Variants in LTBP1 observed in about 807,000 individuals in gnomAD.
LTBP1 encodes latent transforming growth factor beta binding protein 1.
In LTBP1, 129 loss-of-function variants were observed where a neutral mutation model predicts 207.6. The observed-to-expected ratio is 0.62, with a 90% CI of 0.54 to 0.72. The LOEUF (loss-of-function observed/expected upper bound fraction) is 0.72, where lower values mean the gene tolerates loss of function less well. Ranked by LOEUF, LTBP1 falls within the 30% of genes least tolerant of loss-of-function variation. The probability of loss-of-function intolerance (pLI) is 0.00; values close to 1 mark genes in which losing one functional copy is unlikely to be tolerated. For missense variants in LTBP1, 2,281 were observed against 2,217.2 expected, an observed-to-expected ratio of 1.03 and a Z score of -0.58; for synonymous variants, 963 against 833.7, an observed-to-expected ratio of 1.16 and a Z score of -2.67.
chr2:33,275,161 G>T, intron 17 of LTBP1, 71 bp downstream of exon 17: 1 of 1,566,596 alleles, frequency 6.4e-7, no homozygotes, highest in Non-Finnish European at 8.7e-7. Flanking sequence ...ACTATCATCA[G>T]TTCAGTGCTT....
At chr2:33,251,480 G>T (rs1332658922) in intron 10 of LTBP1, among the ~76,000 whole-genome samples, 1 of 152,058 alleles carries the variant, frequency 6.6e-6, no homozygotes, top group Non-Finnish European at 1.5e-5. Context: ...CTAACACGGT[G>T]AAACCCTGTC....
At position 33,270,002 on chromosome 2, in the gene LTBP1, G is replaced by A. The variant is rs190320309; in HGVS notation, c.2618-3654G>A. 6.3e-4 allele frequency among the ~76,000 whole-genome samples: 89 copies of A among 140,196 alleles called. No homozygotes were observed. In the East Asian group the frequency reaches 0.017, roughly 27 times the overall value. 92.0% of individuals were successfully genotyped at this position (140,196 alleles called of 152,430 possible). On this transcript the variant is annotated intron_variant, in intron 15 of 33. Transcript: ENST00000404816. ...TTTTTTTGAGGCAAAGTCTCGCCCT[G>A]TCACTCAGGGTTCAAGCGATTCTCC... is the stretch of plus-strand genomic sequence containing the variant.
chr2:33,157,262 G>A (rs960344858), intron 5 of LTBP1, among the ~76,000 whole-genome samples: 1 of 152,180 alleles, frequency 6.6e-6, no homozygotes, highest in African/African-American at 2.4e-5. Flanking sequence ...GCTAATGCAC[G>A]GATGAGGATT....
chr2:33,221,904 C>G (rs2091133459), intron 8 of LTBP1, among the ~76,000 whole-genome samples, 176 bp from the exon 9 acceptor site: 1 of 151,960 alleles, frequency 6.6e-6, no homozygotes, highest in Non-Finnish European at 1.5e-5. Flanking sequence ...AAATAAGTAT[C>G]CTGAAAAATA....
chr2:33,217,853 G>T (rs1244591699), intron 8 of LTBP1, among the ~76,000 whole-genome samples, 199 bp downstream of exon 8: 4 of 152,192 alleles, frequency 2.6e-5, no homozygotes, highest in Non-Finnish European at 4.4e-5. Context: ...AATAAGCACA[G>T]TTATTAATTA....
intron 19 of LTBP1, among the ~76,000 whole-genome samples, chr2:33,282,412 G>A (rs954191951): frequency 3.3e-5 from 5 of 151,994 alleles, no homozygotes; most frequent in African/African-American, 1.2e-4. Flanking sequence ...TTCTCATGAG[G>A]GCCTTTGCAG....
intron 2 of LTBP1, among the ~76,000 whole-genome samples, chr2:32,985,437 A>G (rs956103300): frequency 6.6e-6 from 1 of 152,214 alleles, no homozygotes; most frequent in Non-Finnish European, 1.5e-5. Context: ...TCAGGCCCAA[A>G]GACAGCACTC....
chr2:33,104,839 G>A (rs1392654515), intron 3 of LTBP1, among the ~76,000 whole-genome samples: 2 of 149,622 alleles, frequency 1.3e-5, no homozygotes, highest in African/African-American at 2.4e-5. Context: ...TTGCCCTCTC[G>A]AGAATAGAGT....
chr2:33,240,064 A>G (rs780605766), intron 9 of LTBP1, among the ~76,000 whole-genome samples: 3 of 152,226 alleles, frequency 2.0e-5, no homozygotes, highest in Non-Finnish European at 2.9e-5. Context: ...GCTTTAGGCA[A>G]TGAAGTCCAA....
intron 2 of LTBP1, among the ~76,000 whole-genome samples, chr2:32,960,431 GA>G (rs1445987294): frequency 0.01 from 1,534 of 150,406 alleles, 33 homozygotes; most frequent in African/African-American, 0.036. Context: ...ATGAATGAAT[GA>G]ATGGATTGAT....
At chr2:33,103,633 T>TGTGTGTGTGTGTGTGTGTGTGTG (rs780868356) in intron 3 of LTBP1, among the ~76,000 whole-genome samples, 3 of 122,950 alleles carry the variant, frequency 2.4e-5, no homozygotes, top group African/African-American at 8.7e-5. Flanking sequence ...GTGTGAGTGT[T>TGTGTGTGTGTGTGTGTGTGTGTG]ATGCTGCCAT....
intron 3 of LTBP1, among the ~76,000 whole-genome samples, chr2:33,060,150 G>T (rs1202207473): frequency 6.6e-6 from 1 of 150,868 alleles, no homozygotes; most frequent in East Asian, 2.0e-4. Context: ...CCCTTCTACT[G>T]TTCAAGTGCT....
intron 2 of LTBP1, among the ~76,000 whole-genome samples, chr2:33,009,617 C>T (rs1461122358): frequency 6.6e-6 from 1 of 152,204 alleles, no homozygotes; most frequent in African/African-American, 2.4e-5. Context: ...TCTTTCAGTC[C>T]TCAGGAGGAA....
intron 5 of LTBP1, among the ~76,000 whole-genome samples, chr2:33,164,200 T>C (rs966427180): frequency 1.3e-5 from 2 of 151,258 alleles, no homozygotes; most frequent in Non-Finnish European, 2.9e-5. Flanking sequence ...AATACAAAAA[T>C]TAGCTGGGTG....
chr2:33,265,961 A>G (rs560639055), intron 15 of LTBP1, among the ~76,000 whole-genome samples: 1 of 152,318 alleles, frequency 6.6e-6, no homozygotes, highest in South Asian at 2.1e-4. Flanking sequence ...ATGTTCTCAT[A>G]TGTTAAGCTT....
rs749494339 is a variant in LTBP1 at position 32,947,781 on chromosome 2, T to G, written c.457T>G (p.Ser153Ala). The G allele has an allele frequency of 1.3e-6, 2 of 1,500,204 alleles. No homozygotes were observed. The highest frequency in any genetic ancestry group is 1.8e-6 in the Non-Finnish European group (2 of 1,121,572). The allele number at this position is 1,500,204 out of a possible 1,614,324, so 92.9% of individuals were successfully genotyped here. ...GCAGGAGACCCAGAGCGGCGGAGGC[T>G]CTAGGCTGCAGGTTCACCAGAAGCA... ...VPQETQSGGG[S>A]RLQVHQKQQL... Residue 153 changes from serine (S) to alanine (A), a missense_variant, in exon 1 of 34, where the codon TCT becomes GCT. By Grantham distance (99) the Ser-to-Ala change is moderately conservative. Around this residue, in one of 3 missense-constraint regions of LTBP1, gnomAD observed 555 missense variants for 491.0 expected, o/e 1.13. Transcript: ENST00000404816.
chr2:33,189,555 C>T (rs1478472329), intron 7 of LTBP1, among the ~76,000 whole-genome samples: 1 of 152,122 alleles, frequency 6.6e-6, no homozygotes, highest in Non-Finnish European at 1.5e-5. Context: ...TTAGGATGAT[C>T]TGTGTATAAA....
At chr2:33,154,299 A>G (rs1351079577) in intron 5 of LTBP1, among the ~76,000 whole-genome samples, 1 of 152,206 alleles carries the variant, frequency 6.6e-6, no homozygotes, top group African/African-American at 2.4e-5. Flanking sequence ...AGAAGGGACA[A>G]GAGGACCTGC....
At chr2:33,352,970 C>G (rs191732949) in intron 26 of LTBP1, among the ~76,000 whole-genome samples, 5 of 93,214 alleles carry the variant, frequency 5.4e-5, no homozygotes, top group African/African-American at 2.4e-4. Context: ...GTAAGCCTTT[C>G]TTTTTTTTTT....
Sources: gnomAD v4.1 joint callset for allele counts (sites outside exome capture counted in the v4.1 genomes callset) on GRCh38, gnomAD v4.1.1 for gene constraint, gnomAD v4.1.1 regional missense constraint, MANE v1.5 for transcripts, NCBI Gene and HGNC (gene_info 2026-07-23, HGNC 2026-07-21) for gene names.